The following BNC2 variants were observed in gnomAD, a reference collection of about 807,000 sequenced individuals.
The protein encoded by BNC2 is zinc finger protein basonuclin-2.
Under a neutral mutation model 76.3 loss-of-function variants are expected in BNC2, and 20 were observed. That is an observed-to-expected ratio of 0.26 (90% CI 0.18 to 0.38). The LOEUF is 0.38. Ranked by LOEUF, BNC2 falls within the 10% of genes least tolerant of loss-of-function variation. The pLI is 1.00. For synonymous variants in BNC2, 582 were observed against 514.8 expected (o/e 1.13, Z -1.77); for missense variants, 1,382 against 1,399.8 (o/e 0.99, Z 0.20).
At chr9:16,765,398 A>G (rs537514099) in intron 1 of BNC2, among the ~76,000 whole-genome samples, 1 of 152,350 alleles carries the variant, frequency 6.6e-6, no homozygotes, top group Middle Eastern at 3.4e-3. Context: ...TGAAGGGATA[A>G]AAGCTAAATT....
At position 16,739,193 on chromosome 9, in the gene BNC2, G is replaced by T. The variant is rs138431366; in HGVS notation, c.4-708C>A. Among the ~76,000 whole-genome samples the T allele has an allele frequency of 5.3e-5, 8 of 152,154 alleles. No homozygotes were observed. The East Asian group carries it at 1.5e-3, about 29-fold the overall frequency. ...TGATAGGAACTATTATAAAAGTAAG[G>T]GCCCTATACTCCACTACAAAGAGTT... On this transcript the variant is annotated intron_variant, in intron 1 of 6. Transcript: ENST00000380672.
intron 2 of BNC2, among the ~76,000 whole-genome samples, chr9:16,735,658 G>A (rs1015843074): frequency 4.6e-5 from 7 of 151,534 alleles, no homozygotes; most frequent in African/African-American, 7.3e-5. Flanking sequence ...CATCACCCCC[G>A]GCTAATTTTT....
chr9:16,840,289 T>C (rs1364352514), intron 1 of BNC2, among the ~76,000 whole-genome samples: 1 of 152,194 alleles, frequency 6.6e-6, no homozygotes, highest in African/African-American at 2.4e-5. Flanking sequence ...TACCATCTCA[T>C]TTTGGCAGCC....
At position 16,419,110 on chromosome 9, in the gene BNC2, C is replaced by G; in HGVS notation, c.3179G>C (p.Arg1060Thr). 1 of 1,614,190 alleles carries G rather than the reference C, an allele frequency of 6.2e-7. No individual in the cohort carries two copies. Among genetic ancestry groups the G allele is most frequent in the Non-Finnish European group, 8.5e-7 (1 of 1,180,034 alleles). The change falls in exon 7 of 7, where the codon AGA (arginine) becomes ACA (threonine). Residue 1060 changes from arginine to threonine, a missense_variant. Physicochemically the swap from Arg to Thr is moderately conservative, Grantham distance 71. Transcript: ENST00000380672. ...TGGGACTTTGCACTTGTGCATTTCT[C>G]TCAAATGCACAGTTTTGTAGTGCAC... ...LRVHYKTVHL[R>T]EMHKCKVPGC...
Position 16,415,891 on chromosome 9 carries a change from T to C in BNC2, c.*3098A>G, listed in dbSNP as rs562871870. On this transcript the variant is annotated 3_prime_UTR_variant, in exon 7 of 7. Transcript: ENST00000380672. ...CAAAAGTAGTAGCAAATAGGGGAGA[T>C]ACTTAAAAAGTGTCAGCTGTCCAGG... 5.3e-5 allele frequency: 8 copies of C among 152,302 alleles called. No homozygotes were observed. The East Asian group carries it at 1.5e-3, about 29-fold the overall frequency. 9.4% of individuals were successfully genotyped at this position (152,302 alleles called of 1,614,324 possible).
intron 5 of BNC2, among the ~76,000 whole-genome samples, chr9:16,546,543 C>G (rs1818488523): frequency 1.3e-5 from 2 of 151,960 alleles, no homozygotes; most frequent in Non-Finnish European, 2.9e-5. Flanking sequence ...CCGGAATTTA[C>G]AATAAAGCAT....
chr9:16,598,670 CATT>C (rs1820160543), intron 3 of BNC2, among the ~76,000 whole-genome samples: 1 of 152,258 alleles, frequency 6.6e-6, no homozygotes, highest in South Asian at 2.1e-4. Flanking sequence ...ATCTCCCTGT[CATT>C]ATAGAAAAGC....
At chr9:16,818,760 C>G (rs1250905249) in intron 1 of BNC2, among the ~76,000 whole-genome samples, 1 of 152,128 alleles carries the variant, frequency 6.6e-6, no homozygotes, top group Non-Finnish European at 1.5e-5. Context: ...CTCCTGGAAT[C>G]AAGTGAGCCT....
intron 5 of BNC2, among the ~76,000 whole-genome samples, chr9:16,446,477 T>C (rs961103946): frequency 2.6e-5 from 4 of 152,056 alleles, no homozygotes; most frequent in Admixed American, 1.3e-4. Context: ...TTCTGATCCA[T>C]ATTTGAAAAA....
chr9:16,718,322 T>C (rs1475207366), intron 3 of BNC2, among the ~76,000 whole-genome samples: 1 of 152,208 alleles, frequency 6.6e-6, no homozygotes, highest in African/African-American at 2.4e-5. Flanking sequence ...GAATTCTTCT[T>C]ATCCCTTCCT....
At chr9:16,742,398 A>G (rs547518129) in intron 1 of BNC2, among the ~76,000 whole-genome samples, 23 of 152,334 alleles carry the variant, frequency 1.5e-4, no homozygotes, top group African/African-American at 4.8e-4. Context: ...TTTCTGCCCA[A>G]TTAGCAAGGT....
intron 5 of BNC2, among the ~76,000 whole-genome samples, chr9:16,481,373 T>C (rs1822052491): frequency 6.6e-6 from 1 of 152,110 alleles, no homozygotes; most frequent in Non-Finnish European, 1.5e-5. Flanking sequence ...GCAATAAATC[T>C]TGCTACTGCT....
intron 3 of BNC2, among the ~76,000 whole-genome samples, chr9:16,595,385 T>C (rs1046905922): frequency 3.3e-5 from 5 of 152,084 alleles, no homozygotes; most frequent in African/African-American, 7.2e-5. Context: ...TGTGCCCCCT[T>C]ATACGTTATT....
intron 1 of BNC2, among the ~76,000 whole-genome samples, chr9:16,837,487 G>T (rs574586527): frequency 3.6e-4 from 55 of 152,182 alleles, no homozygotes; most frequent in African/African-American, 1.3e-3. Context: ...CTGGGCGACA[G>T]TGCGAGACTC....
At chr9:16,673,993 T>C (rs1822561682) in intron 3 of BNC2, among the ~76,000 whole-genome samples, 1 of 152,242 alleles carries the variant, frequency 6.6e-6, no homozygotes, top group African/African-American at 2.4e-5. Context: ...CATTTAATTT[T>C]AGTTGTTATA....
chr9:16,697,810 G>C (rs1383664006), intron 3 of BNC2, among the ~76,000 whole-genome samples: 1 of 151,974 alleles, frequency 6.6e-6, no homozygotes, highest in Admixed American at 6.6e-5. Context: ...AGGAGTAGGA[G>C]CTGGTATGAG....
intron 1 of BNC2, among the ~76,000 whole-genome samples, chr9:16,810,758 C>G (rs1162348183): frequency 6.6e-6 from 1 of 152,162 alleles, no homozygotes; most frequent in Non-Finnish European, 1.5e-5. Flanking sequence ...AAGAGAAAAG[C>G]CGCTAGCCAG....
At chr9:16,798,377 A>G (rs1368408391) in intron 1 of BNC2, among the ~76,000 whole-genome samples, 1 of 152,222 alleles carries the variant, frequency 6.6e-6, no homozygotes, top group Non-Finnish European at 1.5e-5. Context: ...AGCTTAGTCA[A>G]TAAATTAAAT....
At chr9:16,597,857 T>C (rs1341140641) in intron 3 of BNC2, among the ~76,000 whole-genome samples, 1 of 152,104 alleles carries the variant, frequency 6.6e-6, no homozygotes, top group Admixed American at 6.6e-5. Flanking sequence ...ATAAAGATGA[T>C]ATTCTTTCAT....
Sources: allele counts gnomAD v4.1 joint callset (sites outside exome capture counted in the v4.1 genomes callset), GRCh38; gene constraint gnomAD v4.1.1; transcripts MANE v1.5; gene names NCBI Gene and HGNC (gene_info 2026-07-23, HGNC 2026-07-21).